GARIN5A: variants seen among roughly 807,000 people sequenced by gnomAD.
The protein encoded by GARIN5A is Golgi-associated RAB2 interactor protein 5A.
At chr19:50,467,474 C>G in the GARIN5A span, 1 of 914,090 alleles carries the variant, frequency 1.1e-6, no homozygotes, top group Admixed American at 2.4e-5. Context: ...GACCCAAGCT[C>G]TCTCCTCTCT....
At chr19:50,469,701 A>G in the GARIN5A span, among the ~76,000 whole-genome samples, 1 of 152,076 alleles carries the variant, frequency 6.6e-6, no homozygotes, top group Admixed American at 6.6e-5. Context: ...CCAGGATTGG[A>G]GCCCAGGTCC....
the GARIN5A span, among the ~76,000 whole-genome samples, chr19:50,471,667 T>C: frequency 2.0e-5 from 3 of 150,196 alleles, no homozygotes; most frequent in South Asian, 4.2e-4. Context: ...CACGTGTGTG[T>C]ATACGCATAC....
At chr19:50,469,312 G>A in the GARIN5A span, among the ~76,000 whole-genome samples, 1 of 152,170 alleles carries the variant, frequency 6.6e-6, no homozygotes, top group East Asian at 1.9e-4. Flanking sequence ...TGTTTCAGGA[G>A]GCATGTTCTC....
At chr19:50,473,966 A>G in the GARIN5A span, among the ~76,000 whole-genome samples, 2 of 151,540 alleles carry the variant, frequency 1.3e-5, no homozygotes, top group African/African-American at 2.4e-5. Context: ...CAGCCTGGAG[A>G]CTCTGTCTCA....
chr19:50,469,024 C>T, the GARIN5A span, among the ~76,000 whole-genome samples: 8 of 152,206 alleles, frequency 5.3e-5, no homozygotes, highest in African/African-American at 9.6e-5. Flanking sequence ...CCCCAGAAGG[C>T]GCAGGTCAAC....
the GARIN5A span, among the ~76,000 whole-genome samples, chr19:50,468,020 T>C: frequency 6.6e-6 from 1 of 152,176 alleles, no homozygotes; most frequent in Non-Finnish European, 1.5e-5. Flanking sequence ...CTCCCACTAG[T>C]CCTCTCCCCT....
At chr19:50,476,382 G>T in the GARIN5A span, 1 of 1,557,534 alleles carries the variant, frequency 6.4e-7, no homozygotes. Context: ...CAAAGGGGCG[G>T]CCCCATCCTG....
chr19:50,472,102 A>ATACGTGTGTATATGTATG, the GARIN5A span, among the ~76,000 whole-genome samples: 2 of 142,952 alleles, frequency 1.4e-5, no homozygotes, highest in African/African-American at 5.5e-5. Flanking sequence ...GTATATGTAT[A>ATACGTGTGTATATGTATG]TATACGTGTG....
chr19:50,476,680 A>G, the GARIN5A span: 2 of 1,431,432 alleles, frequency 1.4e-6, no homozygotes, highest in Non-Finnish European at 1.8e-6. Context: ...TTAGCTGTGC[A>G]TAGCGGGCGC....
the GARIN5A span, chr19:50,467,897 G>A: frequency 6.7e-7 from 1 of 1,491,572 alleles, no homozygotes; most frequent in Non-Finnish European, 9.2e-7. Flanking sequence ...TCGGGGTCAG[G>A]GGTCCCCACC....
chr19:50,476,631 C>G, the GARIN5A span: 4 of 1,550,980 alleles, frequency 2.6e-6, no homozygotes, highest in Non-Finnish European at 3.5e-6. Flanking sequence ...GGGGCAGCGG[C>G]TGCCGGGCCG....
the GARIN5A span, chr19:50,476,086 C>T: frequency 6.2e-7 from 1 of 1,610,456 alleles, no homozygotes; most frequent in Non-Finnish European, 8.5e-7. Flanking sequence ...TACTTGGTTC[C>T]TTCACCAGGT....
chr19:50,467,390 G>T, the GARIN5A span, among the ~76,000 whole-genome samples: 1 of 151,458 alleles, frequency 6.6e-6, no homozygotes, highest in Non-Finnish European at 1.5e-5. Context: ...AGGAGTCCAG[G>T]CCCCAGCCCC....
chr19:50,467,750 G>T, the GARIN5A span: 2 of 1,609,948 alleles, frequency 1.2e-6, no homozygotes, highest in Non-Finnish European at 1.7e-6. Flanking sequence ...TAGAAGGTGC[G>T]GCTGGTGTTC....
At chr19:50,473,011 C>T in the GARIN5A span, among the ~76,000 whole-genome samples, 1 of 152,110 alleles carries the variant, frequency 6.6e-6, no homozygotes, top group Non-Finnish European at 1.5e-5. Flanking sequence ...AGTGAGATCC[C>T]ACCTCTACAA....
the GARIN5A span, chr19:50,476,341 C>T: frequency 1.3e-6 from 2 of 1,582,096 alleles, no homozygotes; most frequent in East Asian, 2.2e-5. Context: ...GTGATGACGT[C>T]CCTGGAGGGG....
chr19:50,476,621 G>C, the GARIN5A span: 4 of 1,556,402 alleles, frequency 2.6e-6, no homozygotes, highest in Non-Finnish European at 3.5e-6. Context: ...AGTCGAGCCC[G>C]GGGCAGCGGC....
At chr19:50,469,542 C>A in the GARIN5A span, among the ~76,000 whole-genome samples, 1 of 152,172 alleles carries the variant, frequency 6.6e-6, no homozygotes, top group Non-Finnish European at 1.5e-5. Flanking sequence ...GCAGCTGACA[C>A]GTGGCAGGTG....
the GARIN5A span, among the ~76,000 whole-genome samples, chr19:50,472,257 ATGTG>A: frequency 3.5e-5 from 4 of 114,852 alleles, no homozygotes; most frequent in African/African-American, 9.8e-5. Flanking sequence ...ATATACATGT[ATGTG>A]TGTATATATG....
Sources: gnomAD v4.1 joint callset for allele counts (sites outside exome capture counted in the v4.1 genomes callset) on GRCh38, gnomAD v4.1.1 for gene constraint, MANE v1.5 for transcripts, NCBI Gene and HGNC (gene_info 2026-07-23, HGNC 2026-07-21) for gene names.